PTPRN2: variants seen among roughly 807,000 people sequenced by gnomAD.
PTPRN2 encodes protein tyrosine phosphatase receptor type N2.
Under a neutral mutation model 118.8 loss-of-function variants are expected in PTPRN2, and 74 were observed. The observed-to-expected ratio is 0.62, with a 90% CI of 0.52 to 0.76. The LOEUF is 0.76. Ranked by LOEUF, PTPRN2 falls within the 30% of genes least tolerant of loss-of-function variation. PTPRN2 has a pLI of 0.00. For missense variants in PTPRN2, 1,481 were observed against 1,394.4 expected (o/e 1.06, Z -0.99); for synonymous variants, 641 against 608.0 (o/e 1.05, Z -0.80).
At chr7:158,418,040 G>A (rs1482521639) in intron 2 of PTPRN2, among the ~76,000 whole-genome samples, 1 of 150,276 alleles carries the variant, frequency 6.7e-6, no homozygotes, top group Non-Finnish European at 1.5e-5. Context: ...GTCCCGCTGT[G>A]TTAAGTCATG....
At position 157,929,895 on chromosome 7, in the gene PTPRN2, C is replaced by T. The variant is rs374808799; in HGVS notation, c.1724-31158G>A. 1.9e-4 allele frequency among the ~76,000 whole-genome samples: 29 copies of T among 152,288 alleles called. No individual in the cohort carries two copies. The highest frequency in any genetic ancestry group is 6.0e-4 in the African/African-American group (25 of 41,552). ...TGAATCTGAAGGCAGCCCCCACCAA[C>T]GCGCTGGCTGCCTTGGGGCCAGGCA... is the stretch of plus-strand genomic sequence containing the variant. On this transcript the variant is annotated intron_variant, in intron 11 of 22. Transcript: ENST00000389418. The surrounding 1 kb of genome is among the most constrained non-coding windows in gnomAD (Gnocchi z 4.4).
intron 11 of PTPRN2, among the ~76,000 whole-genome samples, chr7:157,931,474 G>C (rs1352420677): frequency 1.3e-5 from 2 of 152,200 alleles, no homozygotes; most frequent in Admixed American, 1.3e-4. Context: ...ATCACACGCT[G>C]AGTAGGCACT....
At chr7:157,904,297 C>A (rs897778246) in intron 11 of PTPRN2, among the ~76,000 whole-genome samples, 6 of 152,222 alleles carry the variant, frequency 3.9e-5, no homozygotes, top group Non-Finnish European at 7.3e-5. Context: ...TTCCTTCCCC[C>A]ACAGGCCGGT....
intron 6 of PTPRN2, among the ~76,000 whole-genome samples, chr7:158,159,376 A>G (rs556952773): frequency 6.6e-6 from 1 of 152,284 alleles, no homozygotes; most frequent in South Asian, 2.1e-4. Flanking sequence ...CTGGGTGGAG[A>G]CCCGTGATTA....
chr7:158,275,554 A>T (rs1459805829), intron 3 of PTPRN2, among the ~76,000 whole-genome samples: 1 of 152,242 alleles, frequency 6.6e-6, no homozygotes, highest in East Asian at 1.9e-4. Context: ...ATTGCTAGAA[A>T]TTACTTTCAA....
chr7:158,235,745 G>A (rs1315194008), intron 3 of PTPRN2, among the ~76,000 whole-genome samples: 3 of 152,136 alleles, frequency 2.0e-5, no homozygotes, highest in African/African-American at 7.2e-5. Flanking sequence ...CAGCTTGACT[G>A]TTCCTGGCAC....
chr7:158,511,640 G>A (rs953812263), intron 1 of PTPRN2, among the ~76,000 whole-genome samples: 10 of 152,242 alleles, frequency 6.6e-5, no homozygotes, highest in South Asian at 2.1e-4. Context: ...TCACACAATC[G>A]CACACATCAG....
intron 5 of PTPRN2, among the ~76,000 whole-genome samples, chr7:158,190,589 C>A (rs73173692): frequency 0.037 from 5,603 of 152,290 alleles, 135 homozygotes; most frequent in Non-Finnish European, 0.053. Flanking sequence ...CTGGGGCCCA[C>A]AGAGCCCTGT....
chr7:157,731,256 G>T (rs1168349783), intron 12 of PTPRN2, among the ~76,000 whole-genome samples: 1 of 152,162 alleles, frequency 6.6e-6, no homozygotes, highest in Non-Finnish European at 1.5e-5. Flanking sequence ...AGGTAATCGA[G>T]GTGCCTTCCT....
intron 12 of PTPRN2, among the ~76,000 whole-genome samples, chr7:157,735,752 C>T (rs146639864): frequency 3.3e-4 from 51 of 152,252 alleles, no homozygotes; most frequent in African/African-American, 1.0e-3. Context: ...TTGTGGGAGA[C>T]GCTCCGCAAA....
chr7:158,477,160 C>T (rs1282117731), intron 2 of PTPRN2, among the ~76,000 whole-genome samples: 1 of 152,226 alleles, frequency 6.6e-6, no homozygotes, highest in African/African-American at 2.4e-5. Context: ...TTCCCGTTGC[C>T]TCAGCCCCTC....
chr7:158,471,334 C>A (rs767571036), intron 2 of PTPRN2, among the ~76,000 whole-genome samples: 4 of 152,142 alleles, frequency 2.6e-5, no homozygotes, highest in Non-Finnish European at 5.9e-5. Flanking sequence ...GGGTCTCACC[C>A]ACACACAGCA....
Position 158,110,931 on chromosome 7 carries a change from G to T in PTPRN2, c.1557-16C>A. 2 of 1,546,830 alleles carry T rather than the reference G, an allele frequency of 1.3e-6. No individual in the cohort carries two copies. ...GCGCAGGGGGCTGCGGATGACAGCA[G>T]GGATGGGGAGCAGTCACCACAGAGC... On this transcript the variant is annotated splice_polypyrimidine_tract_variant and intron_variant, in intron 9 of 22. Transcript: ENST00000389418.
rs1224002581 is a variant in PTPRN2, at chr7:158,395,291, T to TGAGGGGTGAGGGGC, written c.164-78373_164-78360dup. On this transcript the variant is annotated intron_variant, in intron 2 of 22. Coordinates refer to ENST00000389418, the MANE Select transcript of PTPRN2 (RefSeq NM_002847.5). ...GGGCTGTCCCTGCACAAGTGAGGGG[T>TGAGGGGTGAGGGGC]GAGGGGTGAGGGGCGAGGGGTGAGG... 8.2e-3 allele frequency among the ~76,000 whole-genome samples: 400 copies of TGAGGGGTGAGGGGC among 48,756 alleles called. 3 individuals are homozygous for TGAGGGGTGAGGGGC. Among genetic ancestry groups the TGAGGGGTGAGGGGC allele is most frequent in the African/African-American group, 0.03 (358 of 12,006 alleles). 32.0% of individuals were successfully genotyped at this position (48,756 alleles called of 152,430 possible). A position where few individuals can be genotyped will look rare whatever the true frequency, so the allele number is the denominator to read the frequency against.
At chr7:157,978,711 C>A (rs1001644162) in intron 11 of PTPRN2, among the ~76,000 whole-genome samples, 2 of 151,978 alleles carry the variant, frequency 1.3e-5, no homozygotes, top group African/African-American at 2.4e-5. Context: ...TCAGCTCCCC[C>A]ACTTCCCTCT....
At chr7:158,204,666 G>A (rs967925785) in intron 4 of PTPRN2, among the ~76,000 whole-genome samples, 3 of 151,870 alleles carry the variant, frequency 2.0e-5, no homozygotes, top group Admixed American at 6.6e-5. Context: ...TTCAAGAATC[G>A]GTATGACATT....
intron 2 of PTPRN2, among the ~76,000 whole-genome samples, chr7:158,380,164 C>A (rs1810859312): frequency 1.3e-5 from 2 of 152,176 alleles, no homozygotes; most frequent in African/African-American, 4.8e-5. Context: ...CTCACGTCCT[C>A]ACATTTTAAA....
chr7:158,328,358 C>T (rs960374917), intron 2 of PTPRN2, among the ~76,000 whole-genome samples: 13 of 152,144 alleles, frequency 8.5e-5, no homozygotes, highest in Non-Finnish European at 1.5e-4. Context: ...CAGCTTAGTT[C>T]GTAATGAAAC....
intron 12 of PTPRN2, among the ~76,000 whole-genome samples, chr7:157,880,908 A>T (rs931715997): frequency 6.6e-6 from 1 of 152,232 alleles, no homozygotes; most frequent in African/African-American, 2.4e-5. Context: ...CTTTTGGAAC[A>T]AATGATAAAA....
Sources: gnomAD v4.1 joint callset for allele counts (sites outside exome capture counted in the v4.1 genomes callset) on GRCh38, gnomAD v4.1.1 for gene constraint, Gnocchi (gnomAD v3.1) non-coding constraint, MANE v1.5 for transcripts, NCBI Gene and HGNC (gene_info 2026-07-23, HGNC 2026-07-21) for gene names.